IL1RAPL2: variants seen among roughly 807,000 people sequenced by gnomAD.
IL1RAPL2 encodes interleukin 1 receptor accessory protein like 2.
In IL1RAPL2, 3 loss-of-function variants were observed where a neutral mutation model predicts 44.1. The ratio of observed to expected loss-of-function variants is 0.07; its 90% confidence interval spans 0.03 to 0.18. The LOEUF (loss-of-function observed/expected upper bound fraction) is 0.18, where lower values mean the gene tolerates loss of function less well. Ranked by LOEUF, IL1RAPL2 falls within the 10% of genes least tolerant of loss-of-function variation. The pLI, the probability that IL1RAPL2 is intolerant of heterozygous loss-of-function variation, is 1.00. For missense variants in IL1RAPL2, 391 were observed against 496.4 expected (o/e 0.79, Z 2.02); for synonymous variants, 181 against 178.8 (o/e 1.01, Z -0.10).
At chrX:104,734,128 T>A (rs929554446) in intron 2 of IL1RAPL2, among the ~76,000 whole-genome samples, 2 of 112,089 alleles carry the variant, frequency 1.8e-5, no homozygotes, top group Non-Finnish European at 3.8e-5. Flanking sequence ...GCAAAAATAA[T>A]AATTTTAAGA....
chrX:105,685,375 G>C (rs1209923523), intron 6 of IL1RAPL2, among the ~76,000 whole-genome samples: 2 of 111,959 alleles, frequency 1.8e-5, no homozygotes, highest in African/African-American at 6.5e-5. Context: ...ACCTGATGGA[G>C]CTGAAAACCG....
At chrX:105,219,110 T>G (rs891482510) in intron 3 of IL1RAPL2, 4 of 1,211,124 alleles carry the variant, frequency 3.3e-6, no homozygotes, top group Non-Finnish European at 4.5e-6. Context: ...TCGGAGTATC[T>G]CCTGTCTCTT....
chrX:105,078,535 G>A (rs2032348177), intron 2 of IL1RAPL2, among the ~76,000 whole-genome samples: 1 of 112,212 alleles, frequency 8.9e-6, no homozygotes, highest in Non-Finnish European at 1.9e-5. Context: ...CTGCATGCTG[G>A]GAGAACCACT....
chrX:105,209,803 A>G (rs1375794990), intron 3 of IL1RAPL2, among the ~76,000 whole-genome samples: 1 of 112,087 alleles, frequency 8.9e-6, no homozygotes, highest in Admixed American at 9.4e-5. Context: ...ATAAAACCCA[A>G]ATCCAAGCAA....
intron 6 of IL1RAPL2, among the ~76,000 whole-genome samples, chrX:105,604,532 A>C (rs61157393): frequency 9.0e-6 from 1 of 110,997 alleles, no homozygotes; most frequent in Non-Finnish European, 1.9e-5. Flanking sequence ...AAAAAAAAAG[A>C]AAAGCCCAGA....
chrX:105,724,696 T>A (rs938188106), intron 7 of IL1RAPL2, among the ~76,000 whole-genome samples: 3 of 112,200 alleles, frequency 2.7e-5, no homozygotes, highest in Non-Finnish European at 5.6e-5. Flanking sequence ...TTGTACAAGT[T>A]TGGTTATTTA....
chrX:105,035,547 C>A (rs764205394), intron 2 of IL1RAPL2, among the ~76,000 whole-genome samples: 19 of 111,823 alleles, frequency 1.7e-4, no homozygotes, highest in Non-Finnish European at 3.4e-4. Flanking sequence ...CTGAGAGGTC[C>A]CACAGGGGAA....
intron 6 of IL1RAPL2, among the ~76,000 whole-genome samples, chrX:105,568,187 G>A (rs992673042): frequency 5.4e-5 from 6 of 110,898 alleles, no homozygotes; most frequent in Non-Finnish European, 9.5e-5. Flanking sequence ...ATCATTTTAT[G>A]TTAGAGCTGA....
intron 4 of IL1RAPL2, among the ~76,000 whole-genome samples, chrX:105,250,076 T>G (rs2034256902): frequency 9.0e-6 from 1 of 111,357 alleles, no homozygotes; most frequent in Non-Finnish European, 1.9e-5. Flanking sequence ...ACCTTAAATG[T>G]GAAACCATAA....
intron 2 of IL1RAPL2, among the ~76,000 whole-genome samples, chrX:105,119,605 C>T (rs2032899729): frequency 1.5e-5 from 1 of 64,928 alleles, no homozygotes; most frequent in Admixed American, 2.1e-4. Context: ...CCAATAACTT[C>T]TGACCTATTT....
chrX:105,754,923 T>C (rs1201973803), intron 9 of IL1RAPL2, among the ~76,000 whole-genome samples: 1 of 112,578 alleles, frequency 8.9e-6, no homozygotes, highest in Non-Finnish European at 1.9e-5. Context: ...TACAAATGCA[T>C]ATAGTCACTG....
At chrX:105,357,719 TGA>T (rs747197664) in intron 5 of IL1RAPL2, among the ~76,000 whole-genome samples, 14,344 of 110,809 alleles carry the variant, frequency 0.13, 2,276 homozygotes, top group African/African-American at 0.45. Context: ...TTGCTTTTTT[TGA>T]TAAACCATAT....
chrX:104,863,479 G>T (rs1473188354), intron 2 of IL1RAPL2, among the ~76,000 whole-genome samples: 3 of 111,975 alleles, frequency 2.7e-5, no homozygotes, highest in African/African-American at 9.7e-5. Flanking sequence ...TACTACCAAT[G>T]CCCTTTCCCT....
chrX:105,642,261 C>A (rs1205824926), intron 6 of IL1RAPL2, among the ~76,000 whole-genome samples: 1 of 111,205 alleles, frequency 9.0e-6, no homozygotes, highest in Non-Finnish European at 1.9e-5. Flanking sequence ...TATACTCAGA[C>A]CTAAGTGACC....
intron 1 of IL1RAPL2, among the ~76,000 whole-genome samples, chrX:104,627,837 C>T (rs1016779805): frequency 9.0e-6 from 1 of 110,866 alleles, no homozygotes; most frequent in Non-Finnish European, 1.9e-5. Flanking sequence ...ATTGCTCAAC[C>T]TGCCTGGTAT....
At chrX:104,931,436 T>C (rs948740367) in intron 2 of IL1RAPL2, among the ~76,000 whole-genome samples, 1 of 106,841 alleles carries the variant, frequency 9.4e-6, no homozygotes, top group Non-Finnish European at 1.9e-5. Flanking sequence ...CTATTTATAA[T>C]GGAGAGATTG....
At chrX:104,610,309 G>A (rs1173723995) in intron 1 of IL1RAPL2, among the ~76,000 whole-genome samples, 2 of 110,675 alleles carry the variant, frequency 1.8e-5, no homozygotes, top group African/African-American at 6.6e-5. Flanking sequence ...AGGAAATAAA[G>A]GGTATTCAAT....
chrX:105,541,937 G>T (rs2036740265), intron 6 of IL1RAPL2, among the ~76,000 whole-genome samples: 1 of 111,294 alleles, frequency 9.0e-6, no homozygotes, highest in Non-Finnish European at 1.9e-5. Flanking sequence ...ACCTGCGTTT[G>T]CTGTCTTTGT....
At chrX:105,315,603 G>T (rs867623050) in intron 5 of IL1RAPL2, among the ~76,000 whole-genome samples, 174 of 13,199 alleles carry the variant, frequency 0.013, no homozygotes, top group Non-Finnish European at 0.04. Context: ...TATATATATG[G>T]TTTTATTAAG....
Sources: gnomAD v4.1 joint callset for allele counts (sites outside exome capture counted in the v4.1 genomes callset) on GRCh38, gnomAD v4.1.1 for gene constraint, MANE v1.5 for transcripts, NCBI Gene and HGNC (gene_info 2026-07-23, HGNC 2026-07-21) for gene names.